Variants in CDK14 observed in about 807,000 individuals in gnomAD.
CDK14 encodes the protein cyclin-dependent kinase 14.
Under a neutral mutation model 60.7 loss-of-function variants are expected in CDK14, and 34 were observed. That is an observed-to-expected ratio of 0.56 (90% CI 0.43 to 0.75). The LOEUF (loss-of-function observed/expected upper bound fraction) is 0.75. CDK14 is among the 30% of genes least tolerant of loss of function. The pLI is 0.00. For missense variants in CDK14, 482 were observed against 564.1 expected, an observed-to-expected ratio of 0.85 and a Z score of 1.47; for synonymous variants, 197 against 203.7, an observed-to-expected ratio of 0.97 and a Z score of 0.28.
At chr7:90,852,933 A>G (rs1562798879) in intron 5 of CDK14, among the ~76,000 whole-genome samples, 1 of 152,150 alleles carries the variant, frequency 6.6e-6, no homozygotes. Context: ...ACTGTGCTGT[A>G]CTTTGTAGTT....
rs543587424 is a variant in CDK14 at position 91,197,523 on chromosome 7, A to G, written c.*29-9642A>G. Among the ~76,000 whole-genome samples, 8 of 152,312 alleles carry G rather than the reference A, an allele frequency of 5.3e-5. No individual in the cohort carries two copies. The East Asian group carries it at 5.8e-4, about 11-fold the overall frequency. ...GACTGCTCTGGTATTTAAATCTGCA[A>G]TGTACCTCCTATTGCAGATATTTCA... On this transcript the variant is annotated intron_variant, in intron 14 of 14. Coordinates refer to ENST00000380050, the MANE Select transcript of CDK14 (RefSeq NM_001287135.2).
At chr7:90,631,717 G>A (rs1244872747) in intron 2 of CDK14, among the ~76,000 whole-genome samples, 1 of 152,156 alleles carries the variant, frequency 6.6e-6, no homozygotes, top group East Asian at 1.9e-4. Context: ...TCGGGGACTG[G>A]GTTACGAGGT....
At chr7:90,980,417 A>AT (rs1009311022) in intron 9 of CDK14, among the ~76,000 whole-genome samples, 11 of 151,970 alleles carry the variant, frequency 7.2e-5, no homozygotes, top group South Asian at 4.1e-4. Flanking sequence ...AAGCAGATGA[A>AT]TTTTTTTTCT....
chr7:90,734,616 G>T (rs1168246528), intron 3 of CDK14, among the ~76,000 whole-genome samples: 1 of 151,788 alleles, frequency 6.6e-6, no homozygotes, highest in South Asian at 2.1e-4. Flanking sequence ...ATTGATACTT[G>T]TGTATGGTTC....
At chr7:90,691,564 T>C (rs191782759) in intron 2 of CDK14, among the ~76,000 whole-genome samples, 88 of 152,270 alleles carry the variant, frequency 5.8e-4, no homozygotes, top group Non-Finnish European at 9.8e-4. Flanking sequence ...TGTAGGCTGC[T>C]GTAAAATTGG....
At chr7:90,739,330 CAGTT>C (rs1289310081) in intron 3 of CDK14, among the ~76,000 whole-genome samples, 2 of 152,264 alleles carry the variant, frequency 1.3e-5, no homozygotes, top group East Asian at 1.9e-4. Context: ...CATCCAAACC[CAGTT>C]AGTTAGATAG....
At chr7:90,973,400 C>T (rs558112350) in intron 9 of CDK14, among the ~76,000 whole-genome samples, 28 of 152,164 alleles carry the variant, frequency 1.8e-4, no homozygotes, top group African/African-American at 5.1e-4. Context: ...TTAAAGCTCT[C>T]GGTCCTAAGG....
chr7:90,722,058 C>T (rs1474352404), intron 2 of CDK14, among the ~76,000 whole-genome samples: 1 of 152,068 alleles, frequency 6.6e-6, no homozygotes, highest in African/African-American at 2.4e-5. Flanking sequence ...TTCATGCACT[C>T]TGGATACTTA....
chr7:90,688,440 A>G (rs1858761), intron 2 of CDK14, among the ~76,000 whole-genome samples: 87,861 of 152,020 alleles, frequency 0.58, 25,630 homozygotes, highest in East Asian at 0.77. Flanking sequence ...CCTTTGCTAT[A>G]TGTCAGTATT....
At chr7:90,706,783 T>C (rs570129283) in intron 2 of CDK14, among the ~76,000 whole-genome samples, 3 of 152,252 alleles carry the variant, frequency 2.0e-5, no homozygotes, top group Admixed American at 2.0e-4. Flanking sequence ...GAACCATAGT[T>C]GGATGAGTGT....
intron 11 of CDK14, among the ~76,000 whole-genome samples, chr7:91,060,720 C>T (rs1356441360): frequency 6.6e-6 from 1 of 152,182 alleles, no homozygotes; most frequent in South Asian, 2.1e-4. Flanking sequence ...GAATGTTGAA[C>T]ATTGGCCCCC....
chr7:91,162,225 C>T (rs995935208), intron 14 of CDK14, among the ~76,000 whole-genome samples: 3 of 152,114 alleles, frequency 2.0e-5, no homozygotes, highest in Admixed American at 2.0e-4. Context: ...ACAATTTTCC[C>T]TTTTATGTAT....
chr7:90,792,734 G>A (rs1416996584), intron 5 of CDK14, among the ~76,000 whole-genome samples: 2 of 152,040 alleles, frequency 1.3e-5, no homozygotes, highest in African/African-American at 4.8e-5. Context: ...CACTTCTCTT[G>A]CCTTATTACT....
Position 90,887,038 on chromosome 7 carries a change from A to T in CDK14, c.640-12253A>T, listed in dbSNP as rs10231900. ...TAGTTTGGAGTTTCTACCCATTTTA[A>T]CTTTTGGCAGTACTCCAGATAGAAA... On this transcript the variant is annotated intron_variant, in intron 6 of 14. Coordinates refer to ENST00000380050, the MANE Select transcript of CDK14 (RefSeq NM_001287135.2). Among the ~76,000 whole-genome samples the T allele has an allele frequency of 1.6e-4, 24 of 152,230 alleles. 1 individual carries two copies. Among genetic ancestry groups the T allele is most frequent in the African/African-American group, 5.8e-4 (24 of 41,548 alleles).
chr7:90,914,602 T>C (rs921356963), intron 7 of CDK14, among the ~76,000 whole-genome samples: 2 of 152,208 alleles, frequency 1.3e-5, no homozygotes, highest in Non-Finnish European at 2.9e-5. Flanking sequence ...GTTTGGGGCT[T>C]AATTTGTCAT....
chr7:90,895,303 A>C (rs374269349), intron 6 of CDK14, among the ~76,000 whole-genome samples: 1 of 78,646 alleles, frequency 1.3e-5, no homozygotes, highest in Non-Finnish European at 2.8e-5. Flanking sequence ...CACTTTTCCC[A>C]TTCTTTCCTC....
At chr7:91,120,999 A>T (rs1173179852) in intron 14 of CDK14, among the ~76,000 whole-genome samples, 1 of 152,212 alleles carries the variant, frequency 6.6e-6, no homozygotes, top group South Asian at 2.1e-4. Flanking sequence ...AAATTATTTT[A>T]ATGTCTCACC....
At chr7:90,686,786 A>G (rs1224749540) in intron 2 of CDK14, among the ~76,000 whole-genome samples, 3 of 152,194 alleles carry the variant, frequency 2.0e-5, no homozygotes, top group Non-Finnish European at 4.4e-5. Context: ...TAATCCTGAG[A>G]TAAAGATTTG....
chr7:90,630,484 C>A lies in CDK14; in HGVS notation c.123+26235C>A, dbSNP rs543880586. Among the ~76,000 whole-genome samples, 22 of 152,254 alleles carry A rather than the reference C, an allele frequency of 1.4e-4. 1 individual carries two copies. The highest frequency in any genetic ancestry group is 5.1e-4 in the African/African-American group (21 of 41,562). ...ATGAAGTTTTTGTTGACTGAAATGT[C>A]ATTATGCAACACATGACTGTATTCT... On this transcript the variant is annotated intron_variant, in intron 2 of 14. Transcript: ENST00000380050.
Sources: allele counts gnomAD v4.1 joint callset (sites outside exome capture counted in the v4.1 genomes callset), GRCh38; gene constraint gnomAD v4.1.1; transcripts MANE v1.5; gene names NCBI Gene and HGNC (gene_info 2026-07-23, HGNC 2026-07-21).